CNBD1: variants seen among roughly 807,000 people sequenced by gnomAD.
CNBD1 encodes the protein cyclic nucleotide-binding domain-containing protein 1.
Under a neutral mutation model 54.4 loss-of-function variants are expected in CNBD1, and 71 were observed. The observed-to-expected ratio is 1.30, with a 90% CI of 1.08 to 1.59. The LOEUF (loss-of-function observed/expected upper bound fraction) is 1.59. CNBD1 is among the 40% of genes most tolerant of loss of function. The pLI, the probability that CNBD1 is intolerant of heterozygous loss-of-function variation, is 0.00. For missense variants in CNBD1, 659 were observed against 518.0 expected, an observed-to-expected ratio of 1.27 and a Z score of -2.64; for synonymous variants, 182 against 170.7, an observed-to-expected ratio of 1.07 and a Z score of -0.51.
intron 6 of CNBD1, among the ~76,000 whole-genome samples, chr8:87,240,091 CACACACACACACAG>C (rs1275726816): frequency 6.6e-6 from 1 of 151,774 alleles, no homozygotes; most frequent in East Asian, 1.9e-4. Context: ...CACACACACA[CACACACACACACAG>C]ACACAAACAT....
intron 8 of CNBD1, among the ~76,000 whole-genome samples, chr8:87,335,534 T>G (rs888198313): frequency 2.6e-5 from 4 of 152,202 alleles, no homozygotes; most frequent in African/African-American, 9.6e-5. Context: ...CACCTTTGCT[T>G]TTTTCTGCTC....
chr8:86,925,743 AAAAAAG>A (rs1454010042), intron 3 of CNBD1, among the ~76,000 whole-genome samples: 1 of 151,598 alleles, frequency 6.6e-6, no homozygotes, highest in Non-Finnish European at 1.5e-5. Flanking sequence ...AAAAAAAAAA[AAAAAAG>A]AATTAGCCAG....
chr8:87,425,377 TGGA>T (rs1808027226), intron 2 of CNBD1, among the ~76,000 whole-genome samples: 1 of 152,226 alleles, frequency 6.6e-6, no homozygotes, highest in South Asian at 2.1e-4. Context: ...TGCGTTCCTT[TGGA>T]GGAGGAGAGG....
chr8:87,298,537 T>G (rs1808923767), intron 8 of CNBD1, among the ~76,000 whole-genome samples: 1 of 146,182 alleles, frequency 6.8e-6, no homozygotes, highest in African/African-American at 2.6e-5. Context: ...CAGGCTGGAG[T>G]ACAGTGGAGC....
chr8:87,328,197 T>C (rs1004254526), intron 8 of CNBD1, among the ~76,000 whole-genome samples: 1 of 152,166 alleles, frequency 6.6e-6, no homozygotes, highest in South Asian at 2.1e-4. Context: ...CATTGTTCGA[T>C]ATCCAGTTTT....
intron 1 of CNBD1, among the ~76,000 whole-genome samples, chr8:86,886,703 C>A (rs776114479): frequency 6.6e-6 from 1 of 152,130 alleles, no homozygotes; most frequent in Non-Finnish European, 1.5e-5. Flanking sequence ...TCAATGAATG[C>A]ACTTTTTAAC....
At chr8:86,938,918 ATAAT>A (rs1459555717) in intron 3 of CNBD1, among the ~76,000 whole-genome samples, 1 of 152,222 alleles carries the variant, frequency 6.6e-6, no homozygotes, top group East Asian at 1.9e-4. Flanking sequence ...TCCTATGTAT[ATAAT>A]TAAAGGTCTA....
chr8:87,348,615 T>C (rs1204575129), intron 8 of CNBD1, among the ~76,000 whole-genome samples: 2 of 152,214 alleles, frequency 1.3e-5, no homozygotes, highest in Non-Finnish European at 2.9e-5. Flanking sequence ...TCCTGAGATA[T>C]ATTCCTGTTC....
intron 4 of CNBD1, among the ~76,000 whole-genome samples, chr8:87,096,334 C>T (rs930766250): frequency 2.1e-5 from 3 of 144,220 alleles, no homozygotes; most frequent in African/African-American, 7.9e-5. Flanking sequence ...AAGAATAGCT[C>T]TCTGGTGTCT....
chr8:87,353,067 T>G (rs1032350376), intron 9 of CNBD1, among the ~76,000 whole-genome samples: 1 of 152,164 alleles, frequency 6.6e-6, no homozygotes. Flanking sequence ...ATATTGAACA[T>G]CCTGTAGGCC....
intron 6 of CNBD1, among the ~76,000 whole-genome samples, chr8:87,276,955 A>G (rs1808494071): frequency 6.7e-6 from 1 of 149,726 alleles, no homozygotes; most frequent in South Asian, 2.1e-4. Flanking sequence ...AAAGGGAACC[A>G]GAGAAAATGG....
intron 10 of CNBD1, among the ~76,000 whole-genome samples, chr8:87,359,771 T>A (rs1810492172): frequency 1.3e-5 from 2 of 152,088 alleles, no homozygotes; most frequent in African/African-American, 4.8e-5. Context: ...AAACTCAGCG[T>A]GAGCAAACTC....
At chr8:87,083,830 C>T (rs1200166059) in intron 4 of CNBD1, among the ~76,000 whole-genome samples, 3 of 151,928 alleles carry the variant, frequency 2.0e-5, no homozygotes, top group South Asian at 2.1e-4. Flanking sequence ...CCTCGTGATC[C>T]GCCTGCCTCG....
intron 4 of CNBD1, among the ~76,000 whole-genome samples, chr8:86,962,882 C>G (rs540077622): frequency 1.3e-5 from 2 of 152,260 alleles, no homozygotes; most frequent in East Asian, 3.9e-4. Context: ...TCTGGGTTCC[C>G]TTCCCCTGAG....
intron 4 of CNBD1, among the ~76,000 whole-genome samples, chr8:86,979,947 T>C (rs1808444614): frequency 6.6e-6 from 1 of 152,222 alleles, no homozygotes; most frequent in Admixed American, 6.5e-5. Context: ...TTACTTTACT[T>C]ATAATAAAGA....
At chr8:87,345,217 A>G (rs1810145579) in intron 8 of CNBD1, among the ~76,000 whole-genome samples, 1 of 152,214 alleles carries the variant, frequency 6.6e-6, no homozygotes, top group South Asian at 2.1e-4. Flanking sequence ...TATCTATTTA[A>G]GTACATCCTT....
At chr8:87,127,127 C>A (rs950964642) in intron 4 of CNBD1, among the ~76,000 whole-genome samples, 3 of 151,880 alleles carry the variant, frequency 2.0e-5, no homozygotes, top group Non-Finnish European at 2.9e-5. Context: ...TTTTCAAAAT[C>A]ATTTTGGATA....
rs370925128 is a variant in CNBD1, at chr8:86,924,602, T to A, written c.273-14994T>A. 3.9e-5 allele frequency among the ~76,000 whole-genome samples: 6 copies of A among 152,106 alleles called. No individual in the cohort carries two copies. In the East Asian group the frequency reaches 1.2e-3, roughly 29 times the overall value. Reference sequence around the variant, plus strand: ...CTGAGACAGTGAAGACAATGAATATTTTTTTGCCTGACAGGAGTTCAACAA... The same window carrying A: ...CTGAGACAGTGAAGACAATGAATATATTTTTGCCTGACAGGAGTTCAACAA... On this transcript the variant is annotated intron_variant, in intron 3 of 10. Coordinates refer to ENST00000518476, the MANE Select transcript of CNBD1 (RefSeq NM_173538.3).
chr8:87,368,145 G>A (rs113237588), intron 10 of CNBD1, among the ~76,000 whole-genome samples: 2,869 of 136,664 alleles, frequency 0.021, 92 homozygotes, highest in African/African-American at 0.07. Flanking sequence ...CTGGGTGACA[G>A]AGCGAGATTC....
Sources: allele counts gnomAD v4.1 joint callset (sites outside exome capture counted in the v4.1 genomes callset), GRCh38; gene constraint gnomAD v4.1.1; transcripts MANE v1.5; gene names NCBI Gene and HGNC (gene_info 2026-07-23, HGNC 2026-07-21).